The following BICC1 variants were observed in gnomAD, a reference collection of about 807,000 sequenced individuals.
The protein encoded by BICC1 is protein bicaudal C homolog 1.
BICC1 carries 43 observed loss-of-function variants against 111.0 expected under a neutral mutation model. The observed-to-expected ratio is 0.39, with a 90% CI of 0.30 to 0.50. The LOEUF (loss-of-function observed/expected upper bound fraction) is 0.50, where lower values mean the gene tolerates loss of function less well. Among genes scored for constraint, BICC1 ranks in the 20% least tolerant of loss-of-function variants. The probability of loss-of-function intolerance (pLI) is 0.88; values close to 1 mark genes in which losing one functional copy is unlikely to be tolerated. For synonymous variants in BICC1, 467 were observed against 434.4 expected (o/e 1.07, Z -0.93); for missense variants, 1,091 against 1,203.2 (o/e 0.91, Z 1.38).
At chr10:58,785,270 A>G (rs1842978161) in intron 4 of BICC1, among the ~76,000 whole-genome samples, 190 bp downstream of exon 4, 2 of 152,298 alleles carry the variant, frequency 1.3e-5, no homozygotes, top group Admixed American at 6.5e-5. Flanking sequence ...TTTCATGCTG[A>G]GTAATTGAAC....
intron 2 of BICC1, among the ~76,000 whole-genome samples, chr10:58,626,888 T>C (rs901574351): frequency 6.6e-6 from 1 of 152,168 alleles, no homozygotes; most frequent in East Asian, 1.9e-4. Context: ...GCAGATCACC[T>C]GAGGTCAGGA....
intron 3 of BICC1, among the ~76,000 whole-genome samples, chr10:58,744,038 G>A (rs1177254527): frequency 3.9e-5 from 6 of 151,986 alleles, no homozygotes; most frequent in Admixed American, 6.6e-5. Flanking sequence ...AATGAACTAA[G>A]GCAGAAGAAG....
At chr10:58,820,307 T>C in intron 19 of BICC1, 62 bp from the exon 20 acceptor site, 2 of 1,134,228 alleles carry the variant, frequency 1.8e-6, no homozygotes, top group Admixed American at 1.8e-5. Context: ...AAGTTGATCC[T>C]ACAGTGGGAA....
intron 3 of BICC1, among the ~76,000 whole-genome samples, chr10:58,720,640 A>G (rs1326565092): frequency 6.6e-6 from 1 of 152,160 alleles, no homozygotes. Flanking sequence ...TTTGAAAGGG[A>G]AAGTATTTGA....
At chr10:58,525,588 G>A (rs1842511585) in intron 1 of BICC1, among the ~76,000 whole-genome samples, 1 of 147,500 alleles carries the variant, frequency 6.8e-6, no homozygotes, top group South Asian at 2.3e-4. Flanking sequence ...GGGAGGGATA[G>A]CATTAGGACA....
At chr10:58,723,306 A>G (rs1456645344) in intron 3 of BICC1, among the ~76,000 whole-genome samples, 1 of 152,212 alleles carries the variant, frequency 6.6e-6, no homozygotes, top group Non-Finnish European at 1.5e-5. Context: ...AGATAAAGTC[A>G]TCTCCTGGGA....
intron 2 of BICC1, among the ~76,000 whole-genome samples, chr10:58,683,889 TG>T (rs1839621357): frequency 6.6e-6 from 1 of 152,232 alleles, no homozygotes; most frequent in African/African-American, 2.4e-5. Context: ...CTGATTGCCC[TG>T]GCCAGAACTT....
chr10:58,731,957 TTC>T (rs1161282252), intron 3 of BICC1, among the ~76,000 whole-genome samples: 1 of 152,216 alleles, frequency 6.6e-6, no homozygotes, highest in African/African-American at 2.4e-5. Flanking sequence ...TCAAGGCTAT[TTC>T]TCTTTCTTAT....
intron 2 of BICC1, among the ~76,000 whole-genome samples, chr10:58,640,891 G>T (rs1838102548): frequency 1.3e-5 from 2 of 152,170 alleles, no homozygotes; most frequent in Non-Finnish European, 2.9e-5. Flanking sequence ...TTGAGGGACA[G>T]CTAAATTTTC....
intron 1 of BICC1, among the ~76,000 whole-genome samples, chr10:58,586,138 A>G (rs567496140): frequency 6.2e-4 from 94 of 152,332 alleles, no homozygotes; most frequent in African/African-American, 2.2e-3. Flanking sequence ...GACTAAATCC[A>G]TTCTAAGCAG....
chr10:58,648,954 G>T (rs1838356179), intron 2 of BICC1, among the ~76,000 whole-genome samples: 1 of 152,156 alleles, frequency 6.6e-6, no homozygotes, highest in South Asian at 2.1e-4. Context: ...GCCAACACTT[G>T]AAGGCATACA....
chr10:58,767,812 C>T (rs2132708478), intron 3 of BICC1, among the ~76,000 whole-genome samples: 1 of 151,820 alleles, frequency 6.6e-6, no homozygotes. Context: ...CTGAAGACTG[C>T]AATGAATGAA....
At chr10:58,599,167 T>C (rs1844939228) in intron 1 of BICC1, among the ~76,000 whole-genome samples, 1 of 152,192 alleles carries the variant, frequency 6.6e-6, no homozygotes, top group Admixed American at 6.5e-5. Flanking sequence ...CCCAGAGGAT[T>C]ATAAATCATT....
chr10:58,827,941 T>C (rs946020876), intron 20 of BICC1, among the ~76,000 whole-genome samples: 1 of 152,194 alleles, frequency 6.6e-6, no homozygotes, highest in Non-Finnish European at 1.5e-5. Context: ...GATGAAGACT[T>C]TCTGATGATT....
chr10:58,717,815 C>T (rs558797635), intron 3 of BICC1, among the ~76,000 whole-genome samples: 51 of 152,144 alleles, frequency 3.4e-4, no homozygotes, highest in African/African-American at 1.1e-3. Flanking sequence ...TCACCTTGTC[C>T]TTCCAAATGA....
intron 2 of BICC1, among the ~76,000 whole-genome samples, chr10:58,684,883 C>T (rs934649109): frequency 2.0e-5 from 3 of 152,148 alleles, no homozygotes; most frequent in Non-Finnish European, 4.4e-5. Flanking sequence ...TTCAGTTCTG[C>T]TCTGATCTTA....
At chr10:58,610,773 T>C (rs1488105577) in intron 1 of BICC1, among the ~76,000 whole-genome samples, 5 of 152,204 alleles carry the variant, frequency 3.3e-5, no homozygotes, top group Non-Finnish European at 7.3e-5. Context: ...CTTTTTGCGG[T>C]TCACACATTT....
rs1482890018 is a variant in BICC1, at chr10:58,758,968, TA to T, written c.308-26032del. ...TTATTTATTTATTTATTTATTTATT[TA>T]TTTATTTTGAGATGGAGTCTTGCTT... On this transcript the variant is annotated intron_variant, in intron 3 of 20. Coordinates refer to ENST00000373886, the MANE Select transcript of BICC1 (RefSeq NM_001080512.3). 5.9e-4 allele frequency among the ~76,000 whole-genome samples: 89 copies of T among 150,872 alleles called. 1 individual carries two copies. The highest frequency in any genetic ancestry group is 2.2e-3 in the African/African-American group (89 of 41,014).
At chr10:58,730,880 C>T (rs1279964101) in intron 3 of BICC1, among the ~76,000 whole-genome samples, 1 of 152,082 alleles carries the variant, frequency 6.6e-6, no homozygotes, top group Admixed American at 6.6e-5. Flanking sequence ...CCATTCAGCC[C>T]CCCTAGGCCT....
Sources: gnomAD v4.1 joint callset for allele counts (sites outside exome capture counted in the v4.1 genomes callset) on GRCh38, gnomAD v4.1.1 for gene constraint, MANE v1.5 for transcripts, NCBI Gene and HGNC (gene_info 2026-07-23, HGNC 2026-07-21) for gene names.